The following KLHL29 variants were observed in gnomAD, a reference collection of about 807,000 sequenced individuals.
The protein encoded by KLHL29 is kelch-like protein 29.
A neutral mutation model predicts 80.4 loss-of-function variants in KLHL29; 21 were observed. That is an observed-to-expected ratio of 0.26 (90% confidence interval 0.19 to 0.38). The LOEUF is 0.38. Ranked by LOEUF, KLHL29 falls within the 10% of genes least tolerant of loss-of-function variation. The pLI, the probability that KLHL29 is intolerant of heterozygous loss-of-function variation, is 1.00. For missense variants in KLHL29, 867 were observed against 1,223.9 expected, an observed-to-expected ratio of 0.71 and a Z score of 4.35; for synonymous variants, 511 against 526.8, an observed-to-expected ratio of 0.97 and a Z score of 0.41.
chr2:23,406,327 C>CAAAAAA (rs776095410), intron 1 of KLHL29, among the ~76,000 whole-genome samples: 3 of 45,490 alleles, frequency 6.6e-5, no homozygotes, highest in African/African-American at 1.5e-4. Flanking sequence ...GACTCCATCT[C>CAAAAAA]AAAAAAAAAA....
At chr2:23,626,901 C>T (rs1159833348) in intron 3 of KLHL29, among the ~76,000 whole-genome samples, 4 of 152,150 alleles carry the variant, frequency 2.6e-5, no homozygotes, top group Non-Finnish European at 5.9e-5. Context: ...GGGCATTTGT[C>T]TGGGATCCCA....
At position 23,645,403 on chromosome 2, in the gene KLHL29, G is replaced by A. The variant is rs544750738; in HGVS notation, c.940+2553G>A. ...CCTAAATGACAGACAGCTGGCTCCA[G>A]GCAGGAACAGGAGGCTCTGCGTGAT... On this transcript the variant is annotated intron_variant, in intron 5 of 13. Transcript: ENST00000486442. Among the ~76,000 whole-genome samples, 20 of 152,190 alleles carry A rather than the reference G, an allele frequency of 1.3e-4. No individual in the cohort carries two copies. In the South Asian group the frequency reaches 3.5e-3, roughly 27 times the overall value.
intron 3 of KLHL29, among the ~76,000 whole-genome samples, chr2:23,597,371 ATGTG>A (rs760903515): frequency 2.4e-5 from 1 of 41,204 alleles, no homozygotes; most frequent in African/African-American, 9.1e-5. Context: ...GTATATATAT[ATGTG>A]TGTGTGTGTA....
At chr2:23,466,021 A>G (rs1572338440) in intron 1 of KLHL29, among the ~76,000 whole-genome samples, 2 of 152,058 alleles carry the variant, frequency 1.3e-5, no homozygotes, top group South Asian at 2.1e-4. Context: ...TGGAGTGCAG[A>G]CAAGAGACGT....
Position 23,695,209 on chromosome 2 carries a change from C to G in KLHL29, c.1543-414C>G, listed in dbSNP as rs1258716321. Among the ~76,000 whole-genome samples, 1 of 152,130 alleles carries G rather than the reference C, an allele frequency of 6.6e-6. No homozygotes were observed. The highest frequency in any genetic ancestry group is 1.5e-5 in the Non-Finnish European group (1 of 68,024). On this transcript the variant is annotated intron_variant, in intron 8 of 13. Coordinates refer to ENST00000486442, the MANE Select transcript of KLHL29 (RefSeq NM_052920.2). The surrounding 1 kb of genome is among the most constrained non-coding windows in gnomAD (Gnocchi z 7.6). ...CATCTCCTTGAAGCTTTCCTGGGTC[C>G]TCCCACCTGTTCCTGAGTCCTTGTC...
At chr2:23,677,201 G>A (rs1466878679) in intron 5 of KLHL29, among the ~76,000 whole-genome samples, 6 of 152,242 alleles carry the variant, frequency 3.9e-5, no homozygotes, top group African/African-American at 7.2e-5. Context: ...CCACTGGTGT[G>A]CAGCCCTGGG....
intron 1 of KLHL29, among the ~76,000 whole-genome samples, chr2:23,437,495 C>T (rs1251625538): frequency 3.3e-5 from 5 of 152,200 alleles, no homozygotes; most frequent in Admixed American, 3.3e-4. Flanking sequence ...ACAACAGGTT[C>T]TGCTATCTAA....
chr2:23,491,200 C>G (rs1173428723), intron 2 of KLHL29, among the ~76,000 whole-genome samples: 1 of 152,086 alleles, frequency 6.6e-6, no homozygotes, highest in Non-Finnish European at 1.5e-5. Context: ...CACCTGTGCT[C>G]TGTGGAAGCT....
chr2:23,666,312 G>A (rs1670551758), intron 5 of KLHL29, among the ~76,000 whole-genome samples: 1 of 152,190 alleles, frequency 6.6e-6, no homozygotes, highest in Non-Finnish European at 1.5e-5. Flanking sequence ...CCCAAAACCA[G>A]GGCAGGGGTC....
At chr2:23,533,822 T>C (rs78083767) in intron 2 of KLHL29, among the ~76,000 whole-genome samples, 108 of 152,344 alleles carry the variant, frequency 7.1e-4, no homozygotes, top group African/African-American at 2.5e-3. Flanking sequence ...TTTTCAACCT[T>C]TGTGAACCCG....
intron 3 of KLHL29, among the ~76,000 whole-genome samples, chr2:23,621,302 T>C (rs1015014622): frequency 6.6e-6 from 1 of 152,238 alleles, no homozygotes; most frequent in Non-Finnish European, 1.5e-5. Flanking sequence ...GACCTGCTGC[T>C]GACTTCCATC....
At chr2:23,553,519 C>A (rs537866651) in intron 2 of KLHL29, among the ~76,000 whole-genome samples, 1 of 152,324 alleles carries the variant, frequency 6.6e-6, no homozygotes, top group South Asian at 2.1e-4. Context: ...CCCTGCAAAC[C>A]CCACATTTCA....
At chr2:23,543,093 C>T (rs1666880700) in intron 2 of KLHL29, among the ~76,000 whole-genome samples, 1 of 152,236 alleles carries the variant, frequency 6.6e-6, no homozygotes, top group Admixed American at 6.5e-5. Context: ...AAGAACCAAG[C>T]CTCCTTGTGC....
intron 1 of KLHL29, among the ~76,000 whole-genome samples, chr2:23,396,926 C>A (rs905494824): frequency 6.6e-6 from 1 of 152,170 alleles, no homozygotes; most frequent in East Asian, 1.9e-4. Context: ...TCATGGAAAG[C>A]GTGTTTCAGG....
chr2:23,531,979 AG>A (rs1405107141), intron 2 of KLHL29, among the ~76,000 whole-genome samples: 1 of 152,200 alleles, frequency 6.6e-6, no homozygotes, highest in Non-Finnish European at 1.5e-5. Context: ...CACCTCAGTA[AG>A]GGACCTCAAC....
At chr2:23,447,199 T>C (rs1421079192) in intron 1 of KLHL29, among the ~76,000 whole-genome samples, 2 of 152,208 alleles carry the variant, frequency 1.3e-5, no homozygotes, top group East Asian at 3.8e-4. Context: ...TCCTGTATTG[T>C]CCCTGGGACC....
chr2:23,666,086 G>A (rs1041038474), intron 5 of KLHL29, among the ~76,000 whole-genome samples: 13 of 152,218 alleles, frequency 8.5e-5, no homozygotes, highest in African/African-American at 3.1e-4. Flanking sequence ...TAGGTGTTGT[G>A]GAGGAAAAAC....
intron 3 of KLHL29, among the ~76,000 whole-genome samples, chr2:23,613,633 A>G (rs1475347925): frequency 1.3e-5 from 2 of 151,734 alleles, no homozygotes; most frequent in Admixed American, 6.6e-5. Flanking sequence ...GGGTGGTGGC[A>G]CGCGCCTGTA....
chr2:23,581,213 G>A (rs1228477569), intron 3 of KLHL29, among the ~76,000 whole-genome samples: 1 of 152,070 alleles, frequency 6.6e-6, no homozygotes, highest in Non-Finnish European at 1.5e-5. Flanking sequence ...ACCGTGGCAT[G>A]GCTTGAGTAC....
Sources: allele counts gnomAD v4.1 joint callset (sites outside exome capture counted in the v4.1 genomes callset), GRCh38; gene constraint gnomAD v4.1.1; non-coding constraint Gnocchi (gnomAD v3.1); transcripts MANE v1.5; gene names NCBI Gene and HGNC (gene_info 2026-07-23, HGNC 2026-07-21).